Variants in ESR1 observed in about 807,000 individuals in gnomAD.
The protein encoded by ESR1 is estrogen receptor 1.
In ESR1, 12 loss-of-function variants were observed where a neutral mutation model predicts 52.7. The observed-to-expected ratio is 0.23, with a 90% CI of 0.15 to 0.37. The LOEUF is 0.37. Ranked by LOEUF, ESR1 falls within the 10% of genes least tolerant of loss-of-function variation. The pLI is 1.00. For synonymous variants in ESR1, 305 were observed against 316.8 expected (o/e 0.96, Z 0.39); for missense variants, 584 against 779.7 (o/e 0.75, Z 2.99).
At chr6:151,976,069 A>C (rs1464328948) in intron 4 of ESR1, among the ~76,000 whole-genome samples, 1 of 152,164 alleles carries the variant, frequency 6.6e-6, no homozygotes, top group Non-Finnish European at 1.5e-5. Context: ...CCAAGGATAG[A>C]GATGGTGATG....
intron 2 of ESR1, among the ~76,000 whole-genome samples, chr6:151,766,473 C>T (rs189291662): frequency 1.8e-3 from 273 of 150,850 alleles, no homozygotes; most frequent in African/African-American, 6.1e-3. Context: ...CGAGTGAGAC[C>T]CCATTTCAAA....
intron 4 of ESR1, among the ~76,000 whole-genome samples, chr6:151,990,614 A>G (rs1562640113): frequency 6.6e-6 from 1 of 151,538 alleles, no homozygotes; most frequent in Non-Finnish European, 1.5e-5. Context: ...ATGGTGGCCC[A>G]TAGCTGCAGA....
At chr6:151,833,511 G>T (rs1246418985) in intron 1 of ESR1, among the ~76,000 whole-genome samples, 1 of 152,152 alleles carries the variant, frequency 6.6e-6, no homozygotes, top group Non-Finnish European at 1.5e-5. Context: ...GGACAGGTTT[G>T]CAATGTGGAG....
At chr6:151,678,170 TA>T (rs752123009) in intron 1 of ESR1, among the ~76,000 whole-genome samples, 11 of 151,872 alleles carry the variant, frequency 7.2e-5, no homozygotes, top group African/African-American at 2.7e-4. Context: ...CCTGGAGAAT[TA>T]AAAAAAATAC....
chr6:151,734,382 G>C (rs796295997), intron 2 of ESR1, among the ~76,000 whole-genome samples: 22 of 152,190 alleles, frequency 1.4e-4, no homozygotes, highest in African/African-American at 5.3e-4. Context: ...GCTGTTTTTG[G>C]AGCCTGTGCC....
intron 1 of ESR1, among the ~76,000 whole-genome samples, chr6:151,680,994 C>A (rs1194963812): frequency 1.3e-5 from 2 of 152,138 alleles, no homozygotes; most frequent in African/African-American, 4.8e-5. Flanking sequence ...TTGAGGCTCT[C>A]CTGGCCTGCT....
chr6:151,834,470 T>C (rs1363807740), intron 1 of ESR1, among the ~76,000 whole-genome samples: 2 of 152,126 alleles, frequency 1.3e-5, no homozygotes, highest in East Asian at 1.9e-4. Flanking sequence ...ACACTGCATG[T>C]TCTCACTGGT....
intron 5 of ESR1, among the ~76,000 whole-genome samples, chr6:152,050,273 C>T (rs1385100291): frequency 6.6e-6 from 1 of 152,154 alleles, no homozygotes; most frequent in East Asian, 1.9e-4. Context: ...TGCATTTATT[C>T]CTCAAACTCT....
exon 7 of ESR1, chr6:152,126,568 A>G (rs976592180): frequency 2.6e-5 from 4 of 152,222 alleles, no homozygotes; most frequent in Admixed American, 2.6e-4. Flanking sequence ...ATACAGATAT[A>G]TCAGATAGTT....
At chr6:151,946,317 A>T (rs2035695813) in intron 4 of ESR1, among the ~76,000 whole-genome samples, 1 of 152,210 alleles carries the variant, frequency 6.6e-6, no homozygotes, top group South Asian at 2.1e-4. Context: ...TCAAGTACAG[A>T]CATTTTCATG....
At chr6:151,701,666 C>A (rs960117911) in intron 1 of ESR1, among the ~76,000 whole-genome samples, 1 of 152,074 alleles carries the variant, frequency 6.6e-6, no homozygotes, top group African/African-American at 2.4e-5. Context: ...AGCTTAAGCC[C>A]TACTCAGCTT....
intron 3 of ESR1, among the ~76,000 whole-genome samples, chr6:151,921,902 A>G (rs1003629044): frequency 6.6e-6 from 1 of 152,138 alleles, no homozygotes; most frequent in Non-Finnish European, 1.5e-5. Context: ...GTTTTCTCTG[A>G]TGATTGTTTC....
At position 151,840,364 on chromosome 6, in the gene ESR1, G is replaced by A. The variant is rs374186376; in HGVS notation, c.453-2233G>A. The stretch of plus-strand genomic sequence containing the variant: ...TGGAAAGAGATGGGTAACAGAATAT[G>A]AACTAGAATTGAAAACTGTGAGCCA... On this transcript the variant is annotated intron_variant, in intron 1 of 7. Coordinates refer to ENST00000206249, the MANE Select transcript of ESR1 (RefSeq NM_000125.4). Among the ~76,000 whole-genome samples the A allele has an allele frequency of 8.5e-5, 13 of 152,230 alleles. 1 individual carries two copies. The South Asian group carries it at 2.7e-3, about 32-fold the overall frequency.
chr6:152,044,663 T>C (rs2046081841), intron 5 of ESR1, among the ~76,000 whole-genome samples: 2 of 152,154 alleles, frequency 1.3e-5, no homozygotes, highest in South Asian at 4.1e-4. Context: ...TGTAGTCCAA[T>C]GTTCGAGGCC....
chr6:152,084,004 A>G (rs1401296824), intron 6 of ESR1, among the ~76,000 whole-genome samples: 1 of 152,200 alleles, frequency 6.6e-6, no homozygotes, highest in Non-Finnish European at 1.5e-5. Flanking sequence ...TCACAATACC[A>G]AAGACTTGGA....
At position 151,850,075 on chromosome 6, in the gene ESR1, A is replaced by T. The variant is rs796665602; in HGVS notation, c.643+7288A>T. The stretch of plus-strand genomic sequence containing the variant: ...ATATATATAATTTTATATATATATA[A>T]AAAATTATATATATATAATTTTATA... On this transcript the variant is annotated intron_variant, in intron 2 of 7. Transcript: ENST00000206249. Among the ~76,000 whole-genome samples the T allele has an allele frequency of 9.9e-3, 817 of 82,430 alleles. 26 individuals carry two copies. The highest frequency in any genetic ancestry group is 0.042 in the African/African-American group (485 of 11,630). 54.1% of individuals were successfully genotyped at this position (82,430 alleles called of 152,430 possible).
At position 151,770,073 on chromosome 6, in the gene ESR1, T is replaced by C. The variant is rs140642659; in HGVS notation, c.-70-37770T>C. On this transcript the variant is annotated intron_variant, in intron 2 of 2. Coordinates refer to the ESR1 transcript ENST00000404742. ...GAAGAGGGATGAGGAGAACTCAAGT[T>C]ATATTAGCCTGAATGGAATAGATGA... Among the ~76,000 whole-genome samples the C allele has an allele frequency of 3.3e-5, 5 of 151,524 alleles. No individual in the cohort carries two copies. In the East Asian group the frequency reaches 9.7e-4, roughly 29 times the overall value.
chr6:151,807,628 A>G (rs1778085387), upstream of ESR1: 1 of 560,776 alleles, frequency 1.8e-6, no homozygotes, highest in Non-Finnish European at 3.2e-6. Context: ...CACCTTTGTA[A>G]TGCATATGAG....
intron 3 of ESR1, among the ~76,000 whole-genome samples, chr6:151,935,509 G>A (rs1207135548): frequency 6.6e-6 from 1 of 152,166 alleles, no homozygotes; most frequent in Non-Finnish European, 1.5e-5. Flanking sequence ...ACAGTCACAG[G>A]GAGCAGGCTG....
Sources: gnomAD v4.1 joint callset for allele counts (sites outside exome capture counted in the v4.1 genomes callset) on GRCh38, gnomAD v4.1.1 for gene constraint, MANE v1.5 for transcripts, NCBI Gene and HGNC (gene_info 2026-07-23, HGNC 2026-07-21) for gene names.